DLG2: variants seen among roughly 807,000 people sequenced by gnomAD.
DLG2 encodes discs large MAGUK scaffold protein 2.
In DLG2, 45 loss-of-function variants were observed where a neutral mutation model predicts 132.5. The ratio of observed to expected loss-of-function variants is 0.34; its 90% CI spans 0.27 to 0.44. The LOEUF (loss-of-function observed/expected upper bound fraction) is 0.44. Among genes scored for constraint, DLG2 ranks in the 20% least tolerant of loss-of-function variants. The pLI is 1.00. For missense variants in DLG2, 1,045 were observed against 1,196.9 expected, an observed-to-expected ratio of 0.87 and a Z score of 1.87; for synonymous variants, 424 against 419.6, an observed-to-expected ratio of 1.01 and a Z score of -0.13.
At chr11:83,755,666 T>C (rs565884180) in intron 18 of DLG2, among the ~76,000 whole-genome samples, 28 of 151,320 alleles carry the variant, frequency 1.9e-4, no homozygotes, top group Non-Finnish European at 3.7e-4. Context: ...GTAATAAATA[T>C]GTAAGAGGAC....
At chr11:85,416,953 G>T (rs1056343873) in intron 3 of DLG2, among the ~76,000 whole-genome samples, 3 of 152,056 alleles carry the variant, frequency 2.0e-5, no homozygotes, top group African/African-American at 7.2e-5. Context: ...TTGCCTGATT[G>T]CCCTGGCCAG....
At position 85,417,239 on chromosome 11, in the gene DLG2, A is replaced by G. The variant is rs565939485; in HGVS notation, c.41-131874T>C. Among the ~76,000 whole-genome samples the G allele has an allele frequency of 7.4e-4, 113 of 152,296 alleles. 1 individual carries two copies. The highest frequency in any genetic ancestry group is 3.4e-3 in the Middle Eastern group (1 of 294). ...GTCTTTGGTTCTGTTTATGTGATTA[A>G]TAACTTGTATTGATTTGTGTATATT... On this transcript the variant is annotated intron_variant, in intron 3 of 27. Coordinates refer to ENST00000376104, the MANE Select transcript of DLG2 (RefSeq NM_001142699.3).
At chr11:83,921,399 C>G (rs1333579256) in intron 15 of DLG2, among the ~76,000 whole-genome samples, 1 of 152,128 alleles carries the variant, frequency 6.6e-6, no homozygotes, top group Non-Finnish European at 1.5e-5. Context: ...TATCTCATCT[C>G]ATTGTTTCCA....
intron 7 of DLG2, among the ~76,000 whole-genome samples, chr11:84,290,437 T>C (rs1469567268): frequency 2.6e-5 from 4 of 152,228 alleles, no homozygotes; most frequent in South Asian, 2.1e-4. Context: ...TTTGCTCTAA[T>C]GAGAAACAGG....
In DLG2 at chr11:85,258,124, G is replaced by C. The variant is rs528993233; in HGVS notation, c.186+27096C>G. 2.6e-5 allele frequency among the ~76,000 whole-genome samples: 4 copies of C among 152,240 alleles called. No homozygotes were observed. The South Asian group carries it at 6.2e-4, about 24-fold the overall frequency. Reference sequence around the variant, plus strand: ...TGCCTCAAGTCAACTACCAAATTTAGAGTAATATGTAATTTGTGGCCTTAT... The same window carrying C: ...TGCCTCAAGTCAACTACCAAATTTACAGTAATATGTAATTTGTGGCCTTAT... On this transcript the variant is annotated intron_variant, in intron 4 of 27. Coordinates refer to ENST00000376104, the MANE Select transcript of DLG2 (RefSeq NM_001142699.3).
chr11:84,655,998 A>C (rs2099687781), intron 6 of DLG2, among the ~76,000 whole-genome samples: 1 of 152,154 alleles, frequency 6.6e-6, no homozygotes, highest in African/African-American at 2.4e-5. Context: ...TTTATTCATG[A>C]CTTAGTAACA....
chr11:84,845,686 T>TA (rs1357629153), intron 6 of DLG2, among the ~76,000 whole-genome samples: 1 of 150,552 alleles, frequency 6.6e-6, no homozygotes, highest in Non-Finnish European at 1.5e-5. Flanking sequence ...GTCACTCTTT[T>TA]TTTTTTTTTT....
At chr11:83,555,659 A>G (rs1403149254) in intron 19 of DLG2, among the ~76,000 whole-genome samples, 1 of 152,246 alleles carries the variant, frequency 6.6e-6, no homozygotes, top group Non-Finnish European at 1.5e-5. Flanking sequence ...ATATAAAAAT[A>G]AAACATTTGA....
intron 7 of DLG2, among the ~76,000 whole-genome samples, chr11:84,385,356 A>G (rs1045883459): frequency 6.6e-6 from 1 of 152,128 alleles, no homozygotes; most frequent in Non-Finnish European, 1.5e-5. Context: ...ACTTGTTCTC[A>G]TGCTTTGACC....
chr11:84,205,533 T>C (rs1205988304), intron 8 of DLG2, among the ~76,000 whole-genome samples: 2 of 144,740 alleles, frequency 1.4e-5, no homozygotes, highest in African/African-American at 5.1e-5. Context: ...GACTAAATTC[T>C]CTGAGAATAA....
intron 19 of DLG2, among the ~76,000 whole-genome samples, chr11:83,627,181 T>TTTTA (rs1402527239): frequency 2.0e-5 from 3 of 151,846 alleles, no homozygotes. Context: ...ACTTATTTTA[T>TTTTA]TTTATTTATT....
chr11:84,790,046 T>C (rs2073570436), intron 6 of DLG2, among the ~76,000 whole-genome samples: 1 of 152,238 alleles, frequency 6.6e-6, no homozygotes, highest in Non-Finnish European at 1.5e-5. Flanking sequence ...GCAGTAAACA[T>C]GGAAGTGCAG....
chr11:83,897,114 T>C (rs1255110348), intron 15 of DLG2, among the ~76,000 whole-genome samples: 1 of 152,208 alleles, frequency 6.6e-6, no homozygotes, highest in Admixed American at 6.5e-5. Flanking sequence ...TCATGTTTAG[T>C]CACGCTTTCC....
At chr11:83,988,528 T>C (rs2093492933) in intron 11 of DLG2, among the ~76,000 whole-genome samples, 1 of 152,210 alleles carries the variant, frequency 6.6e-6, no homozygotes, top group South Asian at 2.1e-4. Flanking sequence ...TGATACTGAT[T>C]CTTCCTATCC....
At chr11:83,593,321 A>T (rs557610207) in intron 19 of DLG2, among the ~76,000 whole-genome samples, 2,463 of 150,654 alleles carry the variant, frequency 0.016, 61 homozygotes, top group African/African-American at 0.057. Flanking sequence ...GCCATAAAAA[A>T]TGATTAGTTC....
At chr11:84,696,040 CT>C (rs1257977823) in intron 6 of DLG2, among the ~76,000 whole-genome samples, 1 of 151,506 alleles carries the variant, frequency 6.6e-6, no homozygotes, top group Non-Finnish European at 1.5e-5. Flanking sequence ...TAACAATTGT[CT>C]TTCATGGTCT....
intron 6 of DLG2, among the ~76,000 whole-genome samples, chr11:85,097,269 A>G (rs966928698): frequency 4.6e-5 from 7 of 152,068 alleles, no homozygotes; most frequent in East Asian, 1.9e-4. Flanking sequence ...ACCCGGGCTC[A>G]CCAATCAGAA....
chr11:85,297,853 A>G (rs1202390010), intron 3 of DLG2, among the ~76,000 whole-genome samples: 1 of 152,180 alleles, frequency 6.6e-6, no homozygotes, highest in East Asian at 1.9e-4. Context: ...ATGAGGAAAG[A>G]GTCCTTGAAG....
chr11:83,827,014 G>A (rs369480041), intron 17 of DLG2, among the ~76,000 whole-genome samples: 1 of 152,064 alleles, frequency 6.6e-6, no homozygotes, highest in Admixed American at 6.5e-5. Context: ...GAGTTTCTTA[G>A]GCAGAGAACA....
Sources: gnomAD v4.1 joint callset for allele counts (sites outside exome capture counted in the v4.1 genomes callset) on GRCh38, gnomAD v4.1.1 for gene constraint, MANE v1.5 for transcripts, NCBI Gene and HGNC (gene_info 2026-07-23, HGNC 2026-07-21) for gene names.